Variants in ST3GAL6 observed in about 807,000 individuals in gnomAD.
ST3GAL6 encodes the protein ST3 beta-galactoside alpha-2,3-sialyltransferase 6.
ST3GAL6 carries 31 observed loss-of-function variants against 40.5 expected under a neutral mutation model. The observed-to-expected ratio is 0.77, with a 90% CI of 0.58 to 1.03. ST3GAL6 has a LOEUF of 1.03. Among genes scored for constraint, ST3GAL6 ranks in the 50% least tolerant of loss-of-function variants. The pLI is 0.00. For missense variants in ST3GAL6, 357 were observed against 393.2 expected (o/e 0.91, Z 0.78); for synonymous variants, 129 against 136.9 (o/e 0.94, Z 0.40).
At chr3:98,736,688 CAAG>C (rs1057102990) in intron 1 of ST3GAL6, among the ~76,000 whole-genome samples, 2 of 152,192 alleles carry the variant, frequency 1.3e-5, no homozygotes, top group African/African-American at 4.8e-5. Context: ...CACCATGTAA[CAAG>C]AGATGTTCTT....
intron 1 of ST3GAL6, chr3:98,733,523 T>C (rs572334629): frequency 1.0e-6 from 1 of 985,748 alleles, no homozygotes. Flanking sequence ...CGAGAAACCC[T>C]TTTTCCCTCC....
intron 2 of ST3GAL6, 92 bp from the exon 3 acceptor site, chr3:98,770,787 G>A: frequency 9.4e-7 from 1 of 1,066,880 alleles, no homozygotes; most frequent in South Asian, 1.3e-5. Flanking sequence ...GAACCTCTCA[G>A]TGGTGGCATG....
At chr3:98,733,391 A>G (rs1407885602) in intron 1 of ST3GAL6, 6 of 1,033,070 alleles carry the variant, frequency 5.8e-6, no homozygotes, top group Non-Finnish European at 7.0e-6. Context: ...GAGGTTGTGC[A>G]ATTGGGAAGC....
rs187950124 is a variant in ST3GAL6 at position 98,785,017 on chromosome 3, C to T, written c.408C>T (p.Ile136=). 1.2e-4 allele frequency: 194 copies of T among 1,608,770 alleles called. No homozygotes were observed. Among genetic ancestry groups the T allele is most frequent in the Non-Finnish European group, 1.5e-4 (182 of 1,175,558 alleles). ...VLKNKTLGEK[I]DSYDVIIRMN... ...AGAATAAGACATTAGGAGAAAAAAT[C>T]GACTCCTATGATGTAATAATAAGGT... Residue 136 remains isoleucine, a synonymous_variant, in exon 6 of 10, where the codon ATC becomes ATT. Transcript: ENST00000483910.
In ST3GAL6 at chr3:98,795,524, C is replaced by T. The variant is rs976510109; in HGVS notation, c.*1763C>T. The stretch of plus-strand genomic sequence containing the variant: ...TGTAATCAATCAGTGTGATTTTCCC[C>T]TCATACCACACAGCCATAGGCTGCA... On this transcript the variant is annotated 3_prime_UTR_variant, in exon 10 of 10. Transcript: ENST00000483910. 2 of 152,180 alleles carry T rather than the reference C, an allele frequency of 1.3e-5. No homozygotes were observed. The highest frequency in any genetic ancestry group is 2.9e-5 in the Non-Finnish European group (2 of 68,042). 9.4% of individuals were successfully genotyped at this position (152,180 alleles called of 1,614,324 possible).
At chr3:98,749,088 T>C (rs2107325362) in intron 1 of ST3GAL6, among the ~76,000 whole-genome samples, 1 of 152,330 alleles carries the variant, frequency 6.6e-6, no homozygotes, top group East Asian at 1.9e-4. Context: ...CCTAAAACAG[T>C]GTCCAGCACA....
chr3:98,770,905 G>T lies in ST3GAL6; in HGVS notation c.116G>T (p.Arg39Ile), dbSNP rs1391823744. 82 of 1,614,032 alleles carry T rather than the reference G, an allele frequency of 5.1e-5. No homozygotes were observed. The highest frequency in any genetic ancestry group is 6.9e-5 in the Non-Finnish European group (82 of 1,180,002). ...GTGGCACCTGTGGAAATGAAACGGA[G>T]AAATAAGATCCAGCCTTGTTTATCA... ...YWVAPVEMKR[R>I]NKIQPCLSKP... Residue 39 changes from arginine (R) to isoleucine (I), a missense_variant, in exon 3 of 10, where the codon AGA becomes ATA. Transcript: ENST00000483910.
At chr3:98,772,476 TA>T (rs1376128453) in intron 3 of ST3GAL6, 1 of 160,988 alleles carries the variant, frequency 6.2e-6, no homozygotes, top group African/African-American at 2.4e-5. Context: ...ACTTTTATAA[TA>T]TTACTTTGTT....
At chr3:98,748,391 A>G (rs1295827358) in intron 1 of ST3GAL6, among the ~76,000 whole-genome samples, 1 of 152,198 alleles carries the variant, frequency 6.6e-6, no homozygotes, top group Non-Finnish European at 1.5e-5. Context: ...TGGGGATTAT[A>G]TGAGTTTGTG....
At chr3:98,790,633 G>A (rs1044151010) in intron 8 of ST3GAL6, among the ~76,000 whole-genome samples, 1 of 152,092 alleles carries the variant, frequency 6.6e-6, no homozygotes, top group Non-Finnish European at 1.5e-5. Context: ...CCAGGTAAAC[G>A]TATTTTTCTC....
chr3:98,733,977 G>T (rs1308485071), intron 1 of ST3GAL6, among the ~76,000 whole-genome samples: 1 of 151,190 alleles, frequency 6.6e-6, no homozygotes, highest in Non-Finnish European at 1.5e-5. Context: ...ACGAGGACCA[G>T]CTGGGTGCTG....
At chr3:98,793,608 C>T (rs2107383767) in intron 9 of ST3GAL6, 67 bp from the exon 10 acceptor site, 1 of 952,126 alleles carries the variant, frequency 1.1e-6, no homozygotes. Context: ...ATATAAAGTA[C>T]TCCATTGGTG....
intron 5 of ST3GAL6, chr3:98,784,388 C>T (rs1394344734): frequency 6.5e-6 from 1 of 152,910 alleles, no homozygotes; most frequent in Non-Finnish European, 1.5e-5. Context: ...TGAGCATGGG[C>T]AGGGTACAGA....
intron 5 of ST3GAL6, chr3:98,784,666 C>A: frequency 3.3e-6 from 1 of 299,250 alleles, no homozygotes; most frequent in Non-Finnish European, 6.2e-6. Context: ...CTGGGAATAT[C>A]AGGCTTACTT....
chr3:98,764,799 C>CAA (rs1230374015), intron 1 of ST3GAL6, among the ~76,000 whole-genome samples: 3 of 152,184 alleles, frequency 2.0e-5, no homozygotes, highest in East Asian at 3.8e-4. Flanking sequence ...ACACCAAAAG[C>CAA]AATTATCACA....
At chr3:98,758,374 T>C (rs1937545018), upstream of ST3GAL6, among the ~76,000 whole-genome samples, 1 of 152,222 alleles carries the variant, frequency 6.6e-6, no homozygotes, top group South Asian at 2.1e-4. Flanking sequence ...ACTCAGATTG[T>C]TTATAGAGTT....
intron 1 of ST3GAL6, among the ~76,000 whole-genome samples, chr3:98,767,369 C>T (rs1938469449): frequency 6.6e-6 from 1 of 152,144 alleles, no homozygotes; most frequent in Admixed American, 6.5e-5. Flanking sequence ...TTAAGATTTC[C>T]ATTTGAACAT....
intron 1 of ST3GAL6, chr3:98,756,600 T>A: frequency 8.7e-7 from 1 of 1,149,674 alleles, no homozygotes. Context: ...TGAGCACTTG[T>A]AATGTTCTTA....
In ST3GAL6 at chr3:98,773,868, AC is replaced by A. The variant is rs571689653; in HGVS notation, c.272-51del. 4.8e-4 allele frequency: 720 copies of A among 1,484,870 alleles called. 1 individual carries two copies. In the African/African-American group the frequency reaches 8.8e-3, roughly 18 times the overall value. 92.0% of individuals were successfully genotyped at this position (1,484,870 alleles called of 1,614,324 possible). On this transcript the variant is annotated intron_variant, in intron 4 of 9. Coordinates refer to ENST00000483910, the MANE Select transcript of ST3GAL6 (RefSeq NM_001323368.2). ...GAGGGAGTAAGGTGGTTTACTAAGT[AC>A]TAAAAAGACATGATTATCCTTTTAT...
Sources: allele counts gnomAD v4.1 joint callset (sites outside exome capture counted in the v4.1 genomes callset), GRCh38; gene constraint gnomAD v4.1.1; transcripts MANE v1.5; gene names NCBI Gene and HGNC (gene_info 2026-07-23, HGNC 2026-07-21).